PEX14: variants seen among roughly 807,000 people sequenced by gnomAD.
PEX14 encodes the protein peroxisomal biogenesis factor 14, also known as peroxisomal membrane protein PEX14.
A neutral mutation model predicts 49.5 loss-of-function variants in PEX14; 15 were observed. That is an observed-to-expected ratio of 0.30 (90% CI 0.20 to 0.47). The LOEUF (loss-of-function observed/expected upper bound fraction) is 0.47. Ranked by LOEUF, PEX14 falls within the 20% of genes least tolerant of loss-of-function variation. The pLI is 1.00. For missense variants in PEX14, 398 were observed against 494.8 expected, an observed-to-expected ratio of 0.80 and a Z score of 1.86; for synonymous variants, 210 against 212.7, an observed-to-expected ratio of 0.99 and a Z score of 0.11.
intron 1 of PEX14, among the ~76,000 whole-genome samples, chr1:10,475,424 C>G (rs913033683): frequency 6.6e-6 from 1 of 152,222 alleles, no homozygotes; most frequent in Non-Finnish European, 1.5e-5. Context: ...CCCTCACGGC[C>G]TCAGCCTCCT....
intron 3 of PEX14, among the ~76,000 whole-genome samples, chr1:10,551,769 G>A (rs1316348962): frequency 1.3e-5 from 2 of 152,012 alleles, no homozygotes; most frequent in Non-Finnish European, 2.9e-5. Flanking sequence ...TGGTATCAGG[G>A]ATGCAAACTA....
At chr1:10,482,343 T>C (rs1003406131) in intron 1 of PEX14, among the ~76,000 whole-genome samples, 2 of 151,766 alleles carry the variant, frequency 1.3e-5, no homozygotes, top group Non-Finnish European at 2.9e-5. Context: ...TTGGCCGGGC[T>C]GGTCTCGAAC....
At chr1:10,508,006 C>G (rs1049130874) in intron 2 of PEX14, among the ~76,000 whole-genome samples, 2 of 152,166 alleles carry the variant, frequency 1.3e-5, no homozygotes, top group Non-Finnish European at 2.9e-5. Flanking sequence ...AAACTTTCCC[C>G]CATGGGCACG....
intron 2 of PEX14, among the ~76,000 whole-genome samples, chr1:10,499,266 G>C (rs193104859): frequency 1.6e-3 from 251 of 152,296 alleles, no homozygotes; most frequent in African/African-American, 5.8e-3. Context: ...ACTTTAAACA[G>C]TGCTTATGGA....
At chr1:10,544,830 C>T (rs984215028) in intron 3 of PEX14, among the ~76,000 whole-genome samples, 7 of 151,926 alleles carry the variant, frequency 4.6e-5, no homozygotes, top group East Asian at 3.9e-4. Flanking sequence ...GGCGTGATTA[C>T]GGTTCACTGC....
chr1:10,605,984 G>A (rs574352904), intron 4 of PEX14, among the ~76,000 whole-genome samples: 1 of 152,304 alleles, frequency 6.6e-6, no homozygotes, highest in African/African-American at 2.4e-5. Flanking sequence ...GGAAGGAACC[G>A]AAATGAAGTG....
At chr1:10,563,642 G>A (rs926717908) in intron 3 of PEX14, among the ~76,000 whole-genome samples, 1 of 140,726 alleles carries the variant, frequency 7.1e-6, no homozygotes, top group Non-Finnish European at 1.5e-5. Flanking sequence ...TAAAAAAGTT[G>A]GGCCGGGCGC....
In PEX14 at chr1:10,512,791, C is replaced by T. The variant is rs185330954; in HGVS notation, c.84+17470C>T. 1.3e-4 allele frequency among the ~76,000 whole-genome samples: 20 copies of T among 152,156 alleles called. No homozygotes were observed. Among genetic ancestry groups the T allele is most frequent in the African/African-American group, 4.1e-4 (17 of 41,524 alleles). ...TCGGCTCACTGCAACCTCCGCCTCACGGGTTCAAGCGATTCCCTGCCTCAG... is the reference window on the plus strand; with the variant it reads ...TCGGCTCACTGCAACCTCCGCCTCATGGGTTCAAGCGATTCCCTGCCTCAG... On this transcript the variant is annotated intron_variant, in intron 2 of 8. Transcript: ENST00000356607. This position sits in a 1 kb window ranked among gnomAD's most constrained non-coding sequence, Gnocchi z 4.6.
At chr1:10,580,275 C>T (rs1055381316) in intron 3 of PEX14, among the ~76,000 whole-genome samples, 1 of 151,990 alleles carries the variant, frequency 6.6e-6, no homozygotes, top group Non-Finnish European at 1.5e-5. Flanking sequence ...CCCAGGCTGG[C>T]ATGCAGTGGC....
chr1:10,498,069 C>T (rs921362402), intron 2 of PEX14, among the ~76,000 whole-genome samples: 1 of 152,184 alleles, frequency 6.6e-6, no homozygotes, highest in African/African-American at 2.4e-5. Flanking sequence ...CACTTGAGGC[C>T]AGGAGTTTGA....
intron 3 of PEX14, among the ~76,000 whole-genome samples, chr1:10,576,475 T>TA (rs1169884420): frequency 6.6e-6 from 1 of 152,210 alleles, no homozygotes; most frequent in Non-Finnish European, 1.5e-5. Context: ...ACCAGTGATT[T>TA]AAATATTCAT....
At chr1:10,609,453 A>G (rs74052155) in intron 4 of PEX14, among the ~76,000 whole-genome samples, 3,559 of 152,342 alleles carry the variant, frequency 0.023, 133 homozygotes, top group African/African-American at 0.08. Flanking sequence ...TGTAACCAAC[A>G]CTACAATCAC....
At chr1:10,489,243 A>C (rs928674039) in intron 1 of PEX14, among the ~76,000 whole-genome samples, 1 of 152,056 alleles carries the variant, frequency 6.6e-6, no homozygotes, top group African/African-American at 2.4e-5. Flanking sequence ...AGCCTCCCAA[A>C]GTGCTGGGAT....
chr1:10,510,167 C>T (rs142122714), intron 2 of PEX14, among the ~76,000 whole-genome samples: 2 of 152,304 alleles, frequency 1.3e-5, no homozygotes, highest in East Asian at 3.9e-4. Flanking sequence ...AATTGCATCA[C>T]ACGGCTCCCT....
intron 4 of PEX14, among the ~76,000 whole-genome samples, chr1:10,600,263 T>C (rs1210875019): frequency 6.6e-6 from 1 of 151,350 alleles, no homozygotes; most frequent in Non-Finnish European, 1.5e-5. Context: ...CTACTAAAAA[T>C]ACAAAAAATT....
At chr1:10,542,202 T>A (rs1360164365) in intron 3 of PEX14, among the ~76,000 whole-genome samples, 8 of 152,194 alleles carry the variant, frequency 5.3e-5, no homozygotes, top group Non-Finnish European at 1.2e-4. Flanking sequence ...TCATTCCTGT[T>A]CCCCACCCGT....
rs552644577 is a variant in PEX14, at chr1:10,602,824, G to C, written c.298+3458G>C. Among the ~76,000 whole-genome samples, 7 of 152,280 alleles carry C rather than the reference G, an allele frequency of 4.6e-5. No individual in the cohort carries two copies. The South Asian group carries it at 6.2e-4, about 14-fold the overall frequency. On this transcript the variant is annotated intron_variant, in intron 4 of 8. Coordinates refer to ENST00000356607, the MANE Select transcript of PEX14 (RefSeq NM_004565.3). Reference sequence around the variant, plus strand: ...TTATCACTGAGGCATTGTCTGCGTCGGGAGGGATTTATGGCCTCTATTCAT... The same window carrying C: ...TTATCACTGAGGCATTGTCTGCGTCCGGAGGGATTTATGGCCTCTATTCAT...
chr1:10,577,529 CATATAT>C (rs1312391529), intron 3 of PEX14, among the ~76,000 whole-genome samples: 2,894 of 42,872 alleles, frequency 0.068, 211 homozygotes, highest in Non-Finnish European at 0.073. Flanking sequence ...GGACACTATA[CATATAT>C]ATATATATAT....
intron 3 of PEX14, among the ~76,000 whole-genome samples, chr1:10,553,941 G>A (rs1218682072): frequency 6.6e-6 from 1 of 152,098 alleles, no homozygotes; most frequent in Non-Finnish European, 1.5e-5. Flanking sequence ...CGGTTTTCTG[G>A]TAGCAGATGG....
Sources: allele counts gnomAD v4.1 joint callset (sites outside exome capture counted in the v4.1 genomes callset), GRCh38; gene constraint gnomAD v4.1.1; non-coding constraint Gnocchi (gnomAD v3.1); transcripts MANE v1.5; gene names NCBI Gene and HGNC (gene_info 2026-07-23, HGNC 2026-07-21).